TAFA5: variants seen among roughly 807,000 people sequenced by gnomAD.
TAFA5 encodes the protein TAFA chemokine like family member 5.
Under a neutral mutation model 15.3 loss-of-function variants are expected in TAFA5, and 6 were observed. The observed-to-expected ratio is 0.39, with a 90% CI of 0.21 to 0.77. The LOEUF (loss-of-function observed/expected upper bound fraction) is 0.77. TAFA5 is among the 30% of genes least tolerant of loss of function. The pLI, the probability that TAFA5 is intolerant of heterozygous loss-of-function variation, is 0.41. For missense variants in TAFA5, 161 were observed against 193.1 expected (o/e 0.83, Z 0.98); for synonymous variants, 103 against 80.7 (o/e 1.28, Z -1.48).
At chr22:48,687,462 T>G in intron 2 of TAFA5, among the ~76,000 whole-genome samples, 1 of 140,630 alleles carries the variant, frequency 7.1e-6, no homozygotes, top group East Asian at 2.2e-4. Context: ...GGGGCATCTG[T>G]GGATGGGTGG....
intron 3 of TAFA5, among the ~76,000 whole-genome samples, chr22:48,712,581 G>A (rs540736278): frequency 9.2e-5 from 14 of 152,346 alleles, no homozygotes; most frequent in African/African-American, 3.1e-4. Flanking sequence ...CTGGAAATCC[G>A]CATCCTGTGG....
At position 48,750,114 on chromosome 22, in the gene TAFA5, C is replaced by T. The variant is rs949391104; in HGVS notation, c.*267C>T. On this transcript the variant is annotated 3_prime_UTR_variant, in exon 4 of 4. Transcript: ENST00000402357. The stretch of plus-strand genomic sequence containing the variant: ...CGCAGTCTGTGGGAGCCCGGCCGCG[C>T]CCAGCCCCCGCCGACCGTGGCGTTG... 2 of 531,044 alleles carry T rather than the reference C, an allele frequency of 3.8e-6. No homozygotes were observed. The highest frequency in any genetic ancestry group is 2.0e-5 in the African/African-American group (1 of 51,250). The allele number at this position is 531,044 out of a possible 1,614,324, so 32.9% of individuals were successfully genotyped here.
rs532596137 is a variant in TAFA5 at position 48,613,348 on chromosome 22, C to T, written c.113-33249C>T. ...TGTTTCACCTCCTTGAGCTGATGTCCGTCTCTGTTAATGTGTGCAGAGCCT... is the reference window on the plus strand; with the variant it reads ...TGTTTCACCTCCTTGAGCTGATGTCTGTCTCTGTTAATGTGTGCAGAGCCT... On this transcript the variant is annotated intron_variant, in intron 1 of 3. Transcript: ENST00000402357. Among the ~76,000 whole-genome samples, 60 of 152,248 alleles carry T rather than the reference C, an allele frequency of 3.9e-4. 1 individual carries two copies. Among genetic ancestry groups the T allele is most frequent in the Non-Finnish European group, 7.2e-4 (49 of 68,014 alleles).
chr22:48,512,549 A>G (rs1921253310), intron 1 of TAFA5, among the ~76,000 whole-genome samples: 3 of 152,166 alleles, frequency 2.0e-5, no homozygotes, highest in Admixed American at 6.5e-5. Flanking sequence ...CAGAGGTTGC[A>G]GTGAGCTGAG....
At chr22:48,575,880 TGGCGGCGGC>T (rs1190210205) in intron 1 of TAFA5, among the ~76,000 whole-genome samples, 1 of 132,172 alleles carries the variant, frequency 7.6e-6, no homozygotes, top group African/African-American at 2.8e-5. Flanking sequence ...GCGGCGGCGG[TGGCGGCGGC>T]GGCGCGGCGG....
chr22:48,729,503 A>G (rs1011732946), intron 3 of TAFA5, among the ~76,000 whole-genome samples: 1 of 147,798 alleles, frequency 6.8e-6, no homozygotes, highest in African/African-American at 2.4e-5. Context: ...GAATCAGATT[A>G]CTAGGCTAAG....
chr22:48,743,085 C>A (rs1930227728), intron 3 of TAFA5, among the ~76,000 whole-genome samples: 1 of 152,228 alleles, frequency 6.6e-6, no homozygotes, highest in Non-Finnish European at 1.5e-5. Context: ...ATGCCACACA[C>A]CCGGTGGCTT....
At chr22:48,692,769 G>A (rs1262443733) in intron 2 of TAFA5, among the ~76,000 whole-genome samples, 2 of 152,174 alleles carry the variant, frequency 1.3e-5, no homozygotes, top group African/African-American at 4.8e-5. Flanking sequence ...GTGTGCAGGT[G>A]GCCATACGAG....
chr22:48,616,374 T>A (rs1460621861), intron 1 of TAFA5, among the ~76,000 whole-genome samples: 1 of 152,254 alleles, frequency 6.6e-6, no homozygotes, highest in African/African-American at 2.4e-5. Flanking sequence ...TCTTCTGCAG[T>A]GGCCCCGAGG....
intron 1 of TAFA5, among the ~76,000 whole-genome samples, chr22:48,624,417 A>G (rs1925955938): frequency 6.6e-6 from 1 of 151,948 alleles, no homozygotes; most frequent in South Asian, 2.1e-4. Flanking sequence ...GGAGTGGGGG[A>G]GGGACAGGCC....
intron 1 of TAFA5, among the ~76,000 whole-genome samples, chr22:48,573,987 G>A (rs1189421468): frequency 6.6e-6 from 1 of 152,210 alleles, no homozygotes; most frequent in African/African-American, 2.4e-5. Flanking sequence ...CCCTGTGCCA[G>A]GTGAGGGATG....
intron 3 of TAFA5, among the ~76,000 whole-genome samples, chr22:48,721,797 C>T (rs573186473): frequency 2.0e-5 from 3 of 152,076 alleles, no homozygotes; most frequent in Non-Finnish European, 4.4e-5. Context: ...GGTGAAACCC[C>T]GCCTCTACTA....
intron 1 of TAFA5, among the ~76,000 whole-genome samples, chr22:48,594,875 A>G (rs991751746): frequency 7.4e-6 from 1 of 134,972 alleles, no homozygotes; most frequent in Non-Finnish European, 1.6e-5. Context: ...CCTCCTGAGC[A>G]CATTTTTTTT....
chr22:48,508,952 A>G (rs958042878), intron 1 of TAFA5, among the ~76,000 whole-genome samples: 1 of 151,888 alleles, frequency 6.6e-6, no homozygotes, highest in Non-Finnish European at 1.5e-5. Flanking sequence ...CCACTAGCCA[A>G]CCTCTCCCTA....
At chr22:48,680,266 G>T (rs1928138189) in intron 2 of TAFA5, among the ~76,000 whole-genome samples, 1 of 152,260 alleles carries the variant, frequency 6.6e-6, no homozygotes, top group African/African-American at 2.4e-5. Context: ...TGTGGGGCTG[G>T]CAGGAGCGTG....
intron 2 of TAFA5, among the ~76,000 whole-genome samples, chr22:48,653,966 T>A (rs923527406): frequency 2.0e-5 from 3 of 151,964 alleles, no homozygotes; most frequent in Admixed American, 6.6e-5. Context: ...TGAGCAAACA[T>A]GGGTGCCCGA....
chr22:48,633,962 T>C (rs569409838), intron 1 of TAFA5, among the ~76,000 whole-genome samples: 1 of 152,240 alleles, frequency 6.6e-6, no homozygotes, highest in South Asian at 2.1e-4. Flanking sequence ...CCCCACGCTT[T>C]CCAGGGGGCA....
At chr22:48,741,266 C>T (rs1326415428) in intron 3 of TAFA5, among the ~76,000 whole-genome samples, 3 of 151,350 alleles carry the variant, frequency 2.0e-5, no homozygotes, top group Non-Finnish European at 4.4e-5. Context: ...TCCCACCCTG[C>T]GAAGGTGGAG....
At chr22:48,687,439 T>C (rs1346249210) in intron 2 of TAFA5, among the ~76,000 whole-genome samples, 2 of 65,942 alleles carry the variant, frequency 3.0e-5, no homozygotes, top group East Asian at 4.3e-4. Context: ...GATGGATTGG[T>C]GGCAGGGGTG....
Sources: allele counts gnomAD v4.1 joint callset (sites outside exome capture counted in the v4.1 genomes callset), GRCh38; gene constraint gnomAD v4.1.1; transcripts MANE v1.5; gene names NCBI Gene and HGNC (gene_info 2026-07-23, HGNC 2026-07-21).